RNLS: variants seen among roughly 807,000 people sequenced by gnomAD.
RNLS encodes the protein renalase, FAD dependent amine oxidase.
RNLS carries 39 observed loss-of-function variants against 39.8 expected under a neutral mutation model. The observed-to-expected ratio is 0.98, with a 90% CI of 0.76 to 1.28. The LOEUF (loss-of-function observed/expected upper bound fraction) is 1.28. RNLS is among the 50% of genes most tolerant of loss of function. The pLI, the probability that RNLS is intolerant of heterozygous loss-of-function variation, is 0.00. For missense variants in RNLS, 410 were observed against 413.3 expected (o/e 0.99, Z 0.07); for synonymous variants, 147 against 150.7 (o/e 0.98, Z 0.18).
At chr10:88,412,141 T>C (rs181621318) in intron 4 of RNLS, among the ~76,000 whole-genome samples, 2 of 151,740 alleles carry the variant, frequency 1.3e-5, no homozygotes, top group African/African-American at 4.8e-5. Flanking sequence ...CCATGAGAGA[T>C]TGAAGGCAGG....
intron 6 of RNLS, among the ~76,000 whole-genome samples, chr10:88,298,806 T>C (rs1480445898): frequency 6.6e-6 from 1 of 152,190 alleles, no homozygotes; most frequent in African/African-American, 2.4e-5. Context: ...GTTTTGGCTA[T>C]CAGGGGGTCC....
chr10:88,531,313 A>G (rs1847411787), intron 4 of RNLS, among the ~76,000 whole-genome samples: 1 of 151,976 alleles, frequency 6.6e-6, no homozygotes, highest in South Asian at 2.1e-4. Flanking sequence ...AGTACTGAAA[A>G]AAAAAAAAAG....
intron 4 of RNLS, among the ~76,000 whole-genome samples, chr10:88,460,710 T>C (rs553049633): frequency 6.6e-6 from 1 of 152,172 alleles, no homozygotes; most frequent in Non-Finnish European, 1.5e-5. Context: ...AATGCACCTA[T>C]AATTTAGAAC....
intron 5 of RNLS, chr10:88,343,396 A>G: frequency 2.9e-6 from 1 of 343,476 alleles, no homozygotes; most frequent in Non-Finnish European, 4.1e-6. Flanking sequence ...CAAAAAAGCT[A>G]GGAGATTGGT....
At chr10:88,481,633 C>T (rs896328171) in intron 4 of RNLS, among the ~76,000 whole-genome samples, 47 of 152,020 alleles carry the variant, frequency 3.1e-4, no homozygotes, top group Admixed American at 2.2e-3. Context: ...ATATAAATTA[C>T]ATATATGTAT....
intron 4 of RNLS, among the ~76,000 whole-genome samples, chr10:88,382,398 A>G (rs1564751898): frequency 6.6e-6 from 1 of 152,148 alleles, no homozygotes; most frequent in Non-Finnish European, 1.5e-5. Flanking sequence ...ACCAGTAACC[A>G]ATAGTCATAG....
the RNLS span, among the ~76,000 whole-genome samples, chr10:88,197,044 A>G: frequency 2.0e-5 from 3 of 152,180 alleles, no homozygotes; most frequent in African/African-American, 7.2e-5. Context: ...CTTTTTGTCC[A>G]TGGCATTGAG....
At chr10:88,412,255 C>T (rs533488677) in intron 4 of RNLS, among the ~76,000 whole-genome samples, 1 of 151,994 alleles carries the variant, frequency 6.6e-6, no homozygotes, top group Non-Finnish European at 1.5e-5. Flanking sequence ...GGAACTCTTA[C>T]GTGGATCCTA....
At chr10:88,309,701 A>G (rs1176717174) in intron 6 of RNLS, among the ~76,000 whole-genome samples, 1 of 152,210 alleles carries the variant, frequency 6.6e-6, no homozygotes, top group Non-Finnish European at 1.5e-5. Context: ...TGGAAGGTTG[A>G]AGAAAGGAAA....
the RNLS span, among the ~76,000 whole-genome samples, chr10:88,233,363 T>C: frequency 6.6e-6 from 1 of 152,160 alleles, no homozygotes; most frequent in Non-Finnish European, 1.5e-5. Flanking sequence ...CTCCCAATTG[T>C]TTTTCTATGA....
chr10:88,382,085 T>C (rs906515299), intron 4 of RNLS, among the ~76,000 whole-genome samples: 9 of 152,164 alleles, frequency 5.9e-5, no homozygotes, highest in African/African-American at 2.2e-4. Flanking sequence ...TTTTATTGCT[T>C]TGCAGTGCTG....
intron 4 of RNLS, among the ~76,000 whole-genome samples, chr10:88,552,451 T>A (rs1848646112): frequency 6.6e-6 from 1 of 152,168 alleles, no homozygotes; most frequent in Non-Finnish European, 1.5e-5. Context: ...TTATAATAAA[T>A]TGGAATGCAA....
intron 5 of RNLS, among the ~76,000 whole-genome samples, chr10:88,332,390 C>G (rs924521705): frequency 1.3e-5 from 2 of 152,276 alleles, no homozygotes; most frequent in African/African-American, 4.8e-5. Context: ...GTTTTACTCA[C>G]AGTCCTTCCC....
At chr10:88,472,784 A>G (rs1371660392) in intron 4 of RNLS, among the ~76,000 whole-genome samples, 1 of 152,154 alleles carries the variant, frequency 6.6e-6, no homozygotes, top group Admixed American at 6.6e-5. Flanking sequence ...TCTTCCCAAG[A>G]GCTACTGAAT....
chr10:88,485,341 GC>G (rs1347216827), intron 4 of RNLS, among the ~76,000 whole-genome samples: 1 of 151,708 alleles, frequency 6.6e-6, no homozygotes, highest in Non-Finnish European at 1.5e-5. Context: ...TTTGACAAAG[GC>G]AATTCAGTGG....
chr10:88,480,867 A>C (rs1844123115), intron 4 of RNLS, among the ~76,000 whole-genome samples: 1 of 150,952 alleles, frequency 6.6e-6, no homozygotes, highest in Admixed American at 6.6e-5. Context: ...GTATAATATT[A>C]TTTTACAAAG....
chr10:88,176,062 G>T, the RNLS span, among the ~76,000 whole-genome samples: 1 of 151,966 alleles, frequency 6.6e-6, no homozygotes, highest in Admixed American at 6.6e-5. Flanking sequence ...GTGGAATATC[G>T]TATTCCATCC....
chr10:88,500,448 T>C (rs1845410568), intron 4 of RNLS, among the ~76,000 whole-genome samples: 2 of 152,192 alleles, frequency 1.3e-5, no homozygotes, highest in Non-Finnish European at 2.9e-5. Flanking sequence ...GAGTCAGTTC[T>C]GGACTCTTGT....
At chr10:88,488,542 G>A (rs1427702651) in intron 4 of RNLS, among the ~76,000 whole-genome samples, 13 of 83,950 alleles carry the variant, frequency 1.5e-4, no homozygotes, top group African/African-American at 2.9e-4. Flanking sequence ...GCAGAACTCC[G>A]TCTCAAAAAA....
Sources: gnomAD v4.1 joint callset for allele counts (sites outside exome capture counted in the v4.1 genomes callset) on GRCh38, gnomAD v4.1.1 for gene constraint, MANE v1.5 for transcripts, NCBI Gene and HGNC (gene_info 2026-07-23, HGNC 2026-07-21) for gene names.